The following SPON1 variants were observed in gnomAD, a reference collection of about 807,000 sequenced individuals.
SPON1 encodes the protein spondin 1.
Under a neutral mutation model 111.7 loss-of-function variants are expected in SPON1, and 52 were observed. That is an observed-to-expected ratio of 0.47 (90% CI 0.37 to 0.59). SPON1 has a LOEUF of 0.59. Among genes scored for constraint, SPON1 ranks in the 20% least tolerant of loss-of-function variants. SPON1 has a pLI of 0.00. For synonymous variants in SPON1, 410 were observed against 395.8 expected (o/e 1.04, Z -0.43); for missense variants, 957 against 1,068.5 (o/e 0.90, Z 1.46).
At chr11:14,175,900 C>T (rs1848169409) in intron 6 of SPON1, among the ~76,000 whole-genome samples, 1 of 152,202 alleles carries the variant, frequency 6.6e-6, no homozygotes, top group South Asian at 2.1e-4. Flanking sequence ...GCATGGGAAA[C>T]TGAATTAACA....
At chr11:14,078,334 C>T (rs1554921703) in intron 4 of SPON1, among the ~76,000 whole-genome samples, 1 of 152,154 alleles carries the variant, frequency 6.6e-6, no homozygotes. Flanking sequence ...GGCAAAGCTA[C>T]CAGTTGGCCT....
intron 2 of SPON1, among the ~76,000 whole-genome samples, chr11:14,025,387 G>A (rs782150627): frequency 2.0e-5 from 3 of 152,210 alleles, no homozygotes; most frequent in African/African-American, 7.2e-5. Context: ...CAGGCACAAT[G>A]CTAGGTGCTG....
At chr11:14,102,436 A>T (rs181671713) in intron 5 of SPON1, among the ~76,000 whole-genome samples, 2 of 152,208 alleles carry the variant, frequency 1.3e-5, no homozygotes, top group African/African-American at 4.8e-5. Context: ...TCTCTTTTTC[A>T]TAATATGATC....
At chr11:14,051,930 C>T (rs1454808074) in intron 3 of SPON1, among the ~76,000 whole-genome samples, 1 of 152,078 alleles carries the variant, frequency 6.6e-6, no homozygotes, top group Non-Finnish European at 1.5e-5. Flanking sequence ...CATAAGAGAG[C>T]TGATGTTTAG....
chr11:13,992,747 C>T (rs1467031927), intron 2 of SPON1, among the ~76,000 whole-genome samples: 2 of 152,124 alleles, frequency 1.3e-5, no homozygotes, highest in African/African-American at 4.8e-5. Context: ...GGGACAAGTG[C>T]AGTATCTGTG....
intron 6 of SPON1, among the ~76,000 whole-genome samples, chr11:14,182,109 C>T (rs782402423): frequency 2.0e-5 from 3 of 152,136 alleles, no homozygotes; most frequent in African/African-American, 4.8e-5. Flanking sequence ...CTCACATTTG[C>T]TCTCCTAAGT....
At chr11:14,174,420 G>C (rs1189692464) in intron 6 of SPON1, among the ~76,000 whole-genome samples, 2 of 152,146 alleles carry the variant, frequency 1.3e-5, no homozygotes, top group East Asian at 1.9e-4. Context: ...ATAATGTGAA[G>C]TAATTTGATA....
intron 2 of SPON1, among the ~76,000 whole-genome samples, chr11:14,012,998 C>T (rs1282074493): frequency 6.6e-6 from 1 of 152,166 alleles, no homozygotes; most frequent in African/African-American, 2.4e-5. Context: ...GATGACTGTA[C>T]TCTGATATTT....
chr11:14,252,044 G>A (rs1849058745), intron 7 of SPON1, among the ~76,000 whole-genome samples: 1 of 152,212 alleles, frequency 6.6e-6, no homozygotes, highest in South Asian at 2.1e-4. Flanking sequence ...TGAAGATATT[G>A]AGACTTGAAG....
chr11:14,226,372 G>T (rs1848738995), intron 6 of SPON1, among the ~76,000 whole-genome samples: 1 of 152,108 alleles, frequency 6.6e-6, no homozygotes, highest in Non-Finnish European at 1.5e-5. Context: ...AAACATAATG[G>T]GATGTGAAAA....
At chr11:14,111,148 A>G (rs556401416) in intron 5 of SPON1, among the ~76,000 whole-genome samples, 3 of 152,366 alleles carry the variant, frequency 2.0e-5, no homozygotes, top group Admixed American at 6.5e-5. Flanking sequence ...CCTTTAATCT[A>G]TAAGGGCTGC....
At chr11:14,075,152 AT>A (rs1848907115) in intron 3 of SPON1, among the ~76,000 whole-genome samples, 192 bp from the exon 4 acceptor site, 1 of 152,116 alleles carries the variant, frequency 6.6e-6, no homozygotes, top group Non-Finnish European at 1.5e-5. Context: ...CTTGACATAC[AT>A]TTTCTGACTT....
intron 2 of SPON1, among the ~76,000 whole-genome samples, chr11:14,028,914 A>G (rs1848538699): frequency 6.6e-6 from 1 of 152,122 alleles, no homozygotes; most frequent in Non-Finnish European, 1.5e-5. Context: ...CCAGGAGCAC[A>G]TTTCACCTGG....
At chr11:14,239,021 G>A (rs1554939451) in intron 6 of SPON1, among the ~76,000 whole-genome samples, 1 of 152,134 alleles carries the variant, frequency 6.6e-6, no homozygotes, top group African/African-American at 2.4e-5. Context: ...TCTGAAGTGT[G>A]GGTTGCTTAC....
rs1377159917 is a variant in SPON1 at position 14,228,904 on chromosome 11, A to AAAATAT, written c.826-14417_826-14412dup. On this transcript the variant is annotated intron_variant, in intron 6 of 15. Coordinates refer to ENST00000576479, the MANE Select transcript of SPON1 (RefSeq NM_006108.4). This position sits in a 1 kb window ranked among gnomAD's most constrained non-coding sequence, Gnocchi z 4.2. ...CACAATCTATTATTTTATTCTCACA[A>AAAATAT]AAATATAAATATAAATGTTTAAATT... Among the ~76,000 whole-genome samples, 2 of 152,326 alleles carry AAAATAT rather than the reference A, an allele frequency of 1.3e-5. No homozygotes were observed. The highest frequency in any genetic ancestry group is 1.3e-4 in the Admixed American group (2 of 15,306).
intron 6 of SPON1, among the ~76,000 whole-genome samples, chr11:14,158,270 A>G (rs1847872415): frequency 6.6e-6 from 1 of 152,118 alleles, no homozygotes; most frequent in Non-Finnish European, 1.5e-5. Flanking sequence ...TAAAGCCTGT[A>G]GTGCTTACCA....
intron 2 of SPON1, among the ~76,000 whole-genome samples, chr11:14,036,048 C>T (rs1848592180): frequency 6.6e-6 from 1 of 152,224 alleles, no homozygotes; most frequent in Admixed American, 6.5e-5. Flanking sequence ...GAGAAGACAC[C>T]TGACCAGTGT....
chr11:14,128,302 A>T (rs570034579), intron 5 of SPON1, among the ~76,000 whole-genome samples: 6 of 152,376 alleles, frequency 3.9e-5, no homozygotes, highest in African/African-American at 1.4e-4. Context: ...AAATGAGGAT[A>T]CAGGAATTGG....
At chr11:14,141,133 A>T (rs985260805) in intron 6 of SPON1, among the ~76,000 whole-genome samples, 2 of 150,568 alleles carry the variant, frequency 1.3e-5, no homozygotes, top group Non-Finnish European at 3.0e-5. Flanking sequence ...CCAGGGCCCC[A>T]ACAGCTCACC....
Sources: gnomAD v4.1 joint callset for allele counts (sites outside exome capture counted in the v4.1 genomes callset) on GRCh38, gnomAD v4.1.1 for gene constraint, Gnocchi (gnomAD v3.1) non-coding constraint, MANE v1.5 for transcripts, NCBI Gene and HGNC (gene_info 2026-07-23, HGNC 2026-07-21) for gene names.